Variants in MTREX observed in about 807,000 individuals in gnomAD.
MTREX encodes the protein Mtr4 exosome RNA helicase.
MTREX carries 76 observed loss-of-function variants against 135.4 expected under a neutral mutation model. That is an observed-to-expected ratio of 0.56 (90% CI 0.47 to 0.68). The LOEUF is 0.68. Among genes scored for constraint, MTREX ranks in the 30% least tolerant of loss-of-function variants. MTREX has a pLI of 0.00. For missense variants in MTREX, 920 were observed against 1,262.1 expected, an observed-to-expected ratio of 0.73 and a Z score of 4.11; for synonymous variants, 404 against 401.6, an observed-to-expected ratio of 1.01 and a Z score of -0.07.
chr5:55,330,841 A>G (rs535594101), intron 5 of MTREX, among the ~76,000 whole-genome samples: 1 of 152,004 alleles, frequency 6.6e-6, no homozygotes, highest in South Asian at 2.1e-4. Flanking sequence ...TAAGTTGTTC[A>G]CAGCCCACTG....
At chr5:55,384,010 A>G (rs12522281) in intron 18 of MTREX, among the ~76,000 whole-genome samples, 27,741 of 152,142 alleles carry the variant, frequency 0.18, 2,644 homozygotes, top group Admixed American at 0.19. Context: ...GGCTCAAGCA[A>G]TCCTCCCGCC....
At chr5:55,378,944 T>C (rs1439817207) in intron 17 of MTREX, among the ~76,000 whole-genome samples, 183 bp from the exon 18 acceptor site, 1 of 152,238 alleles carries the variant, frequency 6.6e-6, no homozygotes, top group Non-Finnish European at 1.5e-5. Context: ...AAAATGAAAT[T>C]TGGCATTGAT....
intron 16 of MTREX, among the ~76,000 whole-genome samples, chr5:55,373,008 G>C (rs1238094054): frequency 1.3e-5 from 2 of 150,682 alleles, no homozygotes; most frequent in African/African-American, 4.9e-5. Flanking sequence ...TTAAAACGTT[G>C]GGGCACTTTA....
At chr5:55,391,849 G>T (rs961054471) in intron 19 of MTREX, among the ~76,000 whole-genome samples, 1 of 151,912 alleles carries the variant, frequency 6.6e-6, no homozygotes, top group Non-Finnish European at 1.5e-5. Flanking sequence ...ATTTATAACT[G>T]CTGTAACTTC....
chr5:55,400,523 G>A (rs1445607486), intron 21 of MTREX, 102 bp downstream of exon 21: 9 of 714,928 alleles, frequency 1.3e-5, no homozygotes, highest in Non-Finnish European at 2.0e-5. Flanking sequence ...GGCTAAAACA[G>A]GAAAATGTGA....
chr5:55,359,903 T>G (rs1405997624), intron 15 of MTREX, among the ~76,000 whole-genome samples: 18 of 152,178 alleles, frequency 1.2e-4, no homozygotes, highest in Admixed American at 1.2e-3. Context: ...TTCTATCACC[T>G]TTCATTGCAT....
chr5:55,369,478 A>G lies in MTREX; in HGVS notation c.1810+2603A>G, dbSNP rs35761182. 6.9e-3 allele frequency among the ~76,000 whole-genome samples: 1,058 copies of G among 152,296 alleles called. 12 individuals are homozygous for G. The highest frequency in any genetic ancestry group is 0.035 in the East Asian group (182 of 5,190). On this transcript the variant is annotated intron_variant, in intron 16 of 26. Transcript: ENST00000230640. ...TGTTTCTTTTTCTTTTTACATTCTG[A>G]TAAGCAGTAAATTACTTTTTAAAAG...
intron 25 of MTREX, among the ~76,000 whole-genome samples, chr5:55,422,320 G>C (rs2111635261): frequency 6.6e-6 from 1 of 152,306 alleles, no homozygotes; most frequent in Admixed American, 6.5e-5. Flanking sequence ...ACTGTGTAAA[G>C]AACGTACTAA....
At chr5:55,342,950 G>C (rs923649697) in intron 7 of MTREX, among the ~76,000 whole-genome samples, 1 of 151,910 alleles carries the variant, frequency 6.6e-6, no homozygotes, top group South Asian at 2.1e-4. Flanking sequence ...ATGCCGTCTG[G>C]AATAGGAATA....
chr5:55,360,816 A>G (rs1000405761), intron 15 of MTREX, among the ~76,000 whole-genome samples: 2 of 152,170 alleles, frequency 1.3e-5, no homozygotes, highest in Admixed American at 1.3e-4. Context: ...TAAGGAATTT[A>G]TAAGTAACTT....
intron 15 of MTREX, among the ~76,000 whole-genome samples, chr5:55,366,106 C>A (rs1750099861): frequency 6.6e-6 from 1 of 151,876 alleles, no homozygotes. Flanking sequence ...CAATAAAATT[C>A]TACAGTATAA....
At chr5:55,372,379 C>T (rs141428399) in intron 16 of MTREX, among the ~76,000 whole-genome samples, 1 of 152,016 alleles carries the variant, frequency 6.6e-6, no homozygotes. Flanking sequence ...GCTCTAGGAA[C>T]AGTCTGTGAA....
chr5:55,396,259 C>A (rs908734606), intron 19 of MTREX, among the ~76,000 whole-genome samples: 5 of 152,060 alleles, frequency 3.3e-5, no homozygotes, highest in African/African-American at 7.2e-5. Context: ...GTTTATGATC[C>A]TTGGCTGGAC....
intron 6 of MTREX, among the ~76,000 whole-genome samples, chr5:55,340,818 T>C (rs1445443385): frequency 6.6e-6 from 1 of 152,094 alleles, no homozygotes; most frequent in African/African-American, 2.4e-5. Context: ...CCTGACCTCA[T>C]GATCTGCCTG....
chr5:55,409,931 C>T (rs140693308), intron 22 of MTREX, among the ~76,000 whole-genome samples: 2 of 152,216 alleles, frequency 1.3e-5, no homozygotes, highest in East Asian at 3.9e-4. Context: ...TGTGAGTCTT[C>T]TGGCCAGGTG....
chr5:55,388,156 C>T, intron 19 of MTREX, 54 bp downstream of exon 19: 1 of 1,510,618 alleles, frequency 6.6e-7, no homozygotes. Flanking sequence ...ACTTATTTGT[C>T]ATCACCAAAG....
intron 3 of MTREX, among the ~76,000 whole-genome samples, chr5:55,326,855 C>T (rs1039810711): frequency 6.6e-6 from 1 of 152,140 alleles, no homozygotes; most frequent in African/African-American, 2.4e-5. Context: ...CCTAGCCCCC[C>T]ACCTCTCTAC....
chr5:55,322,274 C>G (rs1234735700), intron 1 of MTREX, 53 bp from the exon 2 acceptor site: 1 of 1,496,516 alleles, frequency 6.7e-7, no homozygotes, highest in East Asian at 2.3e-5. Flanking sequence ...TGATGTTGCC[C>G]TTAAAGTAAA....
intron 19 of MTREX, among the ~76,000 whole-genome samples, chr5:55,388,836 G>A (rs1750521462): frequency 3.3e-5 from 5 of 152,106 alleles, no homozygotes; most frequent in Admixed American, 2.6e-4. Context: ...ATTTACATGT[G>A]CTTCTAATTG....
Sources: allele counts gnomAD v4.1 joint callset (sites outside exome capture counted in the v4.1 genomes callset), GRCh38; gene constraint gnomAD v4.1.1; transcripts MANE v1.5; gene names NCBI Gene and HGNC (gene_info 2026-07-23, HGNC 2026-07-21).